Variants in DIAPH2 observed in about 807,000 individuals in gnomAD.
DIAPH2 encodes the protein protein diaphanous homolog 2.
DIAPH2 carries 35 observed loss-of-function variants against 92.7 expected under a neutral mutation model. That is an observed-to-expected ratio of 0.38 (90% CI 0.29 to 0.50). DIAPH2 has a LOEUF of 0.50. Ranked by LOEUF, DIAPH2 falls within the 20% of genes least tolerant of loss-of-function variation. The pLI is 0.94. For synonymous variants in DIAPH2, 301 were observed against 280.4 expected (o/e 1.07, Z -0.73); for missense variants, 701 against 819.5 (o/e 0.86, Z 1.77).
chrX:97,176,091 T>C (rs1364784744), intron 22 of DIAPH2, among the ~76,000 whole-genome samples: 1 of 112,080 alleles, frequency 8.9e-6, no homozygotes, highest in Non-Finnish European at 1.9e-5. Context: ...CAGGGTAAAG[T>C]TGGGAATCTC....
At chrX:96,721,880 TAATTA>T (rs1190416929) in intron 1 of DIAPH2, among the ~76,000 whole-genome samples, 2 of 112,231 alleles carry the variant, frequency 1.8e-5, no homozygotes, top group Non-Finnish European at 3.8e-5. Context: ...TTTTAGGAAT[TAATTA>T]AATCAGAGAA....
chrX:97,435,151 G>A (rs1023736279), intron 26 of DIAPH2, among the ~76,000 whole-genome samples: 20 of 111,660 alleles, frequency 1.8e-4, no homozygotes, highest in Non-Finnish European at 1.7e-4. Context: ...TTTGCTATTT[G>A]GGAGCTTTCT....
chrX:97,217,663 A>G (rs2147512339), intron 22 of DIAPH2, among the ~76,000 whole-genome samples: 1 of 112,530 alleles, frequency 8.9e-6, no homozygotes, highest in African/African-American at 3.2e-5. Context: ...TTAGAAATTT[A>G]AAGGCCGGGC....
rs1651216322 is a variant in DIAPH2, at chrX:96,958,119, G to A, written c.1906G>A (p.Val636Met). 2 of 1,209,632 alleles carry A rather than the reference G, an allele frequency of 1.7e-6. No individual in the cohort carries two copies. The highest frequency in any genetic ancestry group is 3.5e-5 in the South Asian group (2 of 56,460). Residue 636 changes from valine (V) to methionine (M), a missense_variant, in exon 16 of 27, where the codon GTG (valine) becomes ATG (methionine). By Grantham distance (21) the Val-to-Met change is conservative. This residue lies in a region of DIAPH2 where 536 missense variants were observed against 599.3 expected (regional missense o/e 0.89). Coordinates refer to ENST00000324765, the MANE Select transcript of DIAPH2 (RefSeq NM_006729.5). ...MKQKKMYKPE[V>M]SMKRINWSKI... is the part of the protein sequence containing the mutation. Reference sequence around the variant, plus strand: ...GCAGAAAAAAATGTATAAACCTGAAGTGTCCATGAAGAGAATCAATTGGTC... The same window carrying A: ...GCAGAAAAAAATGTATAAACCTGAAATGTCCATGAAGAGAATCAATTGGTC...
At chrX:97,293,162 C>T (rs922952112) in intron 23 of DIAPH2, among the ~76,000 whole-genome samples, 21 of 109,782 alleles carry the variant, frequency 1.9e-4, no homozygotes, top group African/African-American at 6.6e-4. Flanking sequence ...CTGTGTCCTA[C>T]TCAATATCTC....
intron 26 of DIAPH2, among the ~76,000 whole-genome samples, chrX:97,509,651 C>G (rs776920967): frequency 9.5e-6 from 1 of 105,631 alleles, no homozygotes; most frequent in Non-Finnish European, 1.9e-5. Context: ...AATGCTATCC[C>G]TCCCCACTCC....
chrX:96,702,945 A>G (rs1375982066), intron 1 of DIAPH2, among the ~76,000 whole-genome samples: 1 of 111,609 alleles, frequency 9.0e-6, no homozygotes, highest in Non-Finnish European at 1.9e-5. Context: ...ATTACCTCCC[A>G]GAGACCTCAC....
rs2065895158 is a variant in DIAPH2 at position 96,966,623 on chromosome X, CTTT to C, written c.2050+1419_2050+1421del. Among the ~76,000 whole-genome samples the C allele has an allele frequency of 3.6e-5, 4 of 111,945 alleles. No individual in the cohort carries two copies. In the South Asian group the frequency reaches 1.5e-3, roughly 41 times the overall value. On this transcript the variant is annotated intron_variant, in intron 17 of 26. Coordinates refer to ENST00000324765, the MANE Select transcript of DIAPH2 (RefSeq NM_006729.5). ...GGTGCTTGTGTTTATCTACTGTGTT[CTTT>C]TTACATACTGCATAGAATTTTGTGT... is the stretch of plus-strand genomic sequence containing the variant.
intron 23 of DIAPH2, among the ~76,000 whole-genome samples, chrX:97,337,545 T>G (rs2069074979): frequency 9.0e-6 from 1 of 111,674 alleles, no homozygotes; most frequent in South Asian, 3.8e-4. Flanking sequence ...ATTGTAAGTT[T>G]CCTGAGGACT....
chrX:97,466,366 G>A lies in DIAPH2; in HGVS notation c.3241+36621G>A, dbSNP rs189213159. 2.8e-4 allele frequency among the ~76,000 whole-genome samples: 31 copies of A among 111,517 alleles called. No homozygotes were observed. The East Asian group carries it at 8.4e-3, about 30-fold the overall frequency. On this transcript the variant is annotated intron_variant, in intron 26 of 26. Coordinates refer to ENST00000324765, the MANE Select transcript of DIAPH2 (RefSeq NM_006729.5). The stretch of plus-strand genomic sequence containing the variant: ...TAAAAAATCATTCATATTATGTACA[G>A]AATCAAAGATTTAAAAAAGTATACA...
intron 10 of DIAPH2, among the ~76,000 whole-genome samples, chrX:96,933,105 TC>T (rs2065630687): frequency 9.0e-6 from 1 of 110,594 alleles, no homozygotes; most frequent in East Asian, 2.8e-4. Flanking sequence ...AATTTTTTTT[TC>T]CTCTCTAAGA....
chrX:96,773,828 C>T (rs1400114598), intron 4 of DIAPH2, among the ~76,000 whole-genome samples: 2 of 111,257 alleles, frequency 1.8e-5, no homozygotes, highest in Non-Finnish European at 3.8e-5. Flanking sequence ...ACCTGGGCAA[C>T]AGAGTAAGAC....
At chrX:97,059,487 G>A (rs1014690748) in intron 17 of DIAPH2, among the ~76,000 whole-genome samples, 2 of 110,718 alleles carry the variant, frequency 1.8e-5, no homozygotes, top group Non-Finnish European at 3.8e-5. Context: ...TTGGGGTGCC[G>A]ACCGCCCGCC....
At chrX:96,721,623 C>G (rs2063988837) in intron 1 of DIAPH2, among the ~76,000 whole-genome samples, 5 of 112,047 alleles carry the variant, frequency 4.5e-5, no homozygotes. Context: ...TCAGGTCAAA[C>G]AGTTTCAGTG....
intron 13 of DIAPH2, among the ~76,000 whole-genome samples, chrX:96,943,993 A>G (rs1438584081): frequency 8.9e-6 from 1 of 111,749 alleles, no homozygotes; most frequent in Non-Finnish European, 1.9e-5. Flanking sequence ...TTATGTTCAA[A>G]ATCCTTTGTG....
intron 23 of DIAPH2, among the ~76,000 whole-genome samples, chrX:97,312,344 CCTTT>C (rs2068801677): frequency 2.1e-5 from 1 of 48,192 alleles, no homozygotes; most frequent in South Asian, 1.3e-3. Flanking sequence ...TCAATAGAAT[CCTTT>C]TTTTTTTTTT....
chrX:97,349,010 GTATATATATGTGTA>G (rs1174547559), intron 24 of DIAPH2, among the ~76,000 whole-genome samples: 18 of 105,189 alleles, frequency 1.7e-4, no homozygotes, highest in Admixed American at 4.1e-4. Context: ...ATATGTGTGT[GTATATATATGTGTA>G]TATATATGTG....
At chrX:97,593,546 C>G (rs760762278) in intron 26 of DIAPH2, among the ~76,000 whole-genome samples, 1 of 110,017 alleles carries the variant, frequency 9.1e-6, no homozygotes, top group Admixed American at 9.7e-5. Context: ...TCACATGTCT[C>G]TGGCTAGAGA....
chrX:96,764,865 C>G (rs1009499594), intron 4 of DIAPH2, among the ~76,000 whole-genome samples: 1 of 111,344 alleles, frequency 9.0e-6, no homozygotes, highest in Non-Finnish European at 1.9e-5. Flanking sequence ...GGTTAAATAA[C>G]GAGTTTGGGG....
Sources: allele counts gnomAD v4.1 joint callset (sites outside exome capture counted in the v4.1 genomes callset), GRCh38; gene constraint gnomAD v4.1.1; regional missense constraint gnomAD v4.1.1; transcripts MANE v1.5; gene names NCBI Gene and HGNC (gene_info 2026-07-23, HGNC 2026-07-21).